PPP1R9A: variants seen among roughly 807,000 people sequenced by gnomAD.
PPP1R9A encodes the protein protein phosphatase 1 regulatory subunit 9A.
A neutral mutation model predicts 141.9 loss-of-function variants in PPP1R9A; 59 were observed. The observed-to-expected ratio is 0.42, with a 90% confidence interval of 0.34 to 0.52. The LOEUF is 0.52. PPP1R9A is among the 20% of genes least tolerant of loss of function. The probability of loss-of-function intolerance (pLI) is 0.10; values close to 1 mark genes in which losing one functional copy is unlikely to be tolerated. For synonymous variants in PPP1R9A, 500 were observed against 569.7 expected (o/e 0.88, Z 1.74); for missense variants, 1,444 against 1,611.9 (o/e 0.90, Z 1.78).
intron 4 of PPP1R9A, among the ~76,000 whole-genome samples, chr7:95,132,855 A>G (rs1018618809): frequency 6.6e-6 from 1 of 152,154 alleles, no homozygotes; most frequent in African/African-American, 2.4e-5. Context: ...AGAAACTCAG[A>G]GGTGCCAGCA....
Position 95,239,963 on chromosome 7 carries a change from A to T in PPP1R9A, c.2113-7510A>T, listed in dbSNP as rs145423829. ...CTTATGTTTTTGGTTAGTTTTCTAAAGATATTTACAACAGATAGTTATACT... is the reference window on the plus strand; with the variant it reads ...CTTATGTTTTTGGTTAGTTTTCTAATGATATTTACAACAGATAGTTATACT... On this transcript the variant is annotated intron_variant, in intron 8 of 19. Coordinates refer to ENST00000433360, the MANE Select transcript of PPP1R9A (RefSeq NM_001166160.2). Among the ~76,000 whole-genome samples the T allele has an allele frequency of 4.3e-3, 650 of 152,172 alleles. 4 individuals are homozygous for T. The highest frequency in any genetic ancestry group is 0.014 in the African/African-American group (586 of 41,564).
Position 95,118,996 on chromosome 7 carries a change from A to G in PPP1R9A, c.1529-1716A>G, listed in dbSNP as rs540117296. On this transcript the variant is annotated intron_variant, in intron 3 of 19. Transcript: ENST00000433360. ...GACCTTGTCTCAAACAAAAAAAAAA[A>G]AAGAAGAAGAAGAAAGAAAAACAGA... 1.3e-3 allele frequency among the ~76,000 whole-genome samples: 198 copies of G among 151,728 alleles called. 1 individual carries two copies. Among genetic ancestry groups the G allele is most frequent in the African/African-American group, 4.4e-3 (184 of 41,364 alleles).
intron 2 of PPP1R9A, among the ~76,000 whole-genome samples, chr7:95,103,524 C>A (rs544425663): frequency 1.2e-4 from 18 of 151,968 alleles, no homozygotes; most frequent in African/African-American, 4.1e-4. Flanking sequence ...CCTGCCATCA[C>A]GCCCAGCTAA....
intron 2 of PPP1R9A, among the ~76,000 whole-genome samples, chr7:94,966,663 G>A (rs575028482): frequency 2.0e-5 from 3 of 152,310 alleles, no homozygotes; most frequent in Non-Finnish European, 4.4e-5. Flanking sequence ...CAGGGATGAA[G>A]CTGACTTGAT....
At chr7:95,273,314 T>C (rs552803828) in intron 14 of PPP1R9A, among the ~76,000 whole-genome samples, 1 of 152,310 alleles carries the variant, frequency 6.6e-6, no homozygotes, top group East Asian at 1.9e-4. Context: ...TGAGCCCCTG[T>C]TTAAGGAGTC....
intron 5 of PPP1R9A, among the ~76,000 whole-genome samples, chr7:95,170,837 T>G (rs569761014): frequency 1.1e-3 from 167 of 151,662 alleles, no homozygotes; most frequent in Non-Finnish European, 2.1e-3. Context: ...TTTAAAAAAT[T>G]ATTTAAAGGA....
intron 2 of PPP1R9A, among the ~76,000 whole-genome samples, chr7:94,994,552 A>C (rs1424818409): frequency 1.3e-5 from 2 of 152,172 alleles, no homozygotes; most frequent in African/African-American, 4.8e-5. Flanking sequence ...ATTAGGAATA[A>C]TGTTAGATTT....
intron 6 of PPP1R9A, 119 bp downstream of exon 6, chr7:95,198,603 AC>A (rs1313262295): frequency 1.7e-6 from 2 of 1,196,836 alleles, no homozygotes; most frequent in African/African-American, 3.1e-5. Flanking sequence ...TCCACATTGA[AC>A]TAAAATTCTA....
chr7:95,058,726 GGGGGTGGAGC>G (rs1811816226), intron 2 of PPP1R9A, among the ~76,000 whole-genome samples: 1 of 152,110 alleles, frequency 6.6e-6, no homozygotes, highest in African/African-American at 2.4e-5. Context: ...GAGTGGGATC[GGGGGTGGAGC>G]GGGGTGGAGT....
intron 5 of PPP1R9A, among the ~76,000 whole-genome samples, chr7:95,163,304 C>A (rs943027179): frequency 2.0e-5 from 3 of 152,106 alleles, no homozygotes; most frequent in African/African-American, 7.2e-5. Flanking sequence ...CTTCAAATGT[C>A]TTCTTAACTG....
chr7:95,052,276 A>C (rs1402743024), intron 2 of PPP1R9A, among the ~76,000 whole-genome samples: 1 of 152,182 alleles, frequency 6.6e-6, no homozygotes, highest in Non-Finnish European at 1.5e-5. Flanking sequence ...TAATTGGTAA[A>C]AAGCAAGAAT....
chr7:95,168,409 C>G (rs557732935), intron 5 of PPP1R9A, among the ~76,000 whole-genome samples: 47 of 151,858 alleles, frequency 3.1e-4, no homozygotes, highest in Non-Finnish European at 5.3e-4. Flanking sequence ...GGATTAAAGA[C>G]TGAAATGTAA....
At chr7:95,057,775 C>T (rs974866630) in intron 2 of PPP1R9A, among the ~76,000 whole-genome samples, 4 of 152,094 alleles carry the variant, frequency 2.6e-5, no homozygotes, top group Non-Finnish European at 4.4e-5. Context: ...CACTTGACTC[C>T]TTCTTCCTAT....
chr7:95,209,225 A>C (rs1220580667), intron 7 of PPP1R9A, among the ~76,000 whole-genome samples: 1 of 152,204 alleles, frequency 6.6e-6, no homozygotes, highest in Non-Finnish European at 1.5e-5. Flanking sequence ...CTTTGCAGTT[A>C]TGTGATTATG....
At chr7:95,015,724 G>A (rs1805010580) in intron 2 of PPP1R9A, among the ~76,000 whole-genome samples, 1 of 152,072 alleles carries the variant, frequency 6.6e-6, no homozygotes, top group South Asian at 2.1e-4. Flanking sequence ...AATGATTCAA[G>A]AAGGTCAGTG....
intron 7 of PPP1R9A, among the ~76,000 whole-genome samples, chr7:95,218,196 T>C (rs1793798016): frequency 6.6e-6 from 1 of 152,238 alleles, no homozygotes; most frequent in South Asian, 2.1e-4. Context: ...TCAAAGAACA[T>C]CATTATTTCT....
intron 8 of PPP1R9A, among the ~76,000 whole-genome samples, chr7:95,242,222 A>G (rs1487157463): frequency 6.6e-6 from 1 of 152,194 alleles, no homozygotes; most frequent in Non-Finnish European, 1.5e-5. Context: ...ATATTGTTGT[A>G]GGTAAGACAT....
At chr7:94,915,805 G>A (rs1193044065) in intron 2 of PPP1R9A, among the ~76,000 whole-genome samples, 1 of 152,158 alleles carries the variant, frequency 6.6e-6, no homozygotes, top group Non-Finnish European at 1.5e-5. Flanking sequence ...ATAGACTAAT[G>A]ATTTCCTGGG....
intron 2 of PPP1R9A, among the ~76,000 whole-genome samples, chr7:95,018,849 G>A (rs1805482194): frequency 6.6e-6 from 1 of 152,042 alleles, no homozygotes. Context: ...AGGTGTCTTG[G>A]GTCTTCTGCT....
Sources: gnomAD v4.1 joint callset for allele counts (sites outside exome capture counted in the v4.1 genomes callset) on GRCh38, gnomAD v4.1.1 for gene constraint, MANE v1.5 for transcripts, NCBI Gene and HGNC (gene_info 2026-07-23, HGNC 2026-07-21) for gene names.